Variants in SLC47A2 observed in about 807,000 individuals in gnomAD.
SLC47A2 encodes multidrug and toxin extrusion protein 2.
A neutral mutation model predicts 67.7 loss-of-function variants in SLC47A2; 52 were observed. The observed-to-expected ratio is 0.77, with a 90% CI of 0.61 to 0.97. SLC47A2 has a LOEUF of 0.97. Ranked by LOEUF, SLC47A2 falls within the 50% of genes least tolerant of loss-of-function variation. The pLI is 0.00. For synonymous variants in SLC47A2, 278 were observed against 292.9 expected, an observed-to-expected ratio of 0.95 and a Z score of 0.52; for missense variants, 676 against 712.3, an observed-to-expected ratio of 0.95 and a Z score of 0.58.
chr17:19,694,840 C>G (rs9911284), intron 13 of SLC47A2, among the ~76,000 whole-genome samples: 2 of 150,342 alleles, frequency 1.3e-5, no homozygotes, highest in African/African-American at 4.9e-5. Context: ...CGCTTGAACC[C>G]GGGAGGCAGA....
At chr17:19,681,224 AAC>A in intron 15 of SLC47A2, 141 bp downstream of exon 15, 4 of 681,974 alleles carry the variant, frequency 5.9e-6, no homozygotes, top group Non-Finnish European at 7.4e-6. Context: ...CAAACAAACA[AAC>A]AAAAAAAAAA....
chr17:19,712,850 G>C, intron 4 of SLC47A2, 105 bp from the exon 5 acceptor site: 1 of 1,104,856 alleles, frequency 9.1e-7, no homozygotes, highest in South Asian at 1.3e-5. Context: ...GCTGTCCCAG[G>C]GTCTCAGCCA....
intron 9 of SLC47A2, 140 bp downstream of exon 9, chr17:19,706,508 G>C: frequency 1.5e-6 from 1 of 652,744 alleles, no homozygotes; most frequent in Non-Finnish European, 2.5e-6. Flanking sequence ...GGCCTGGCCA[G>C]TGAAGCTGGA....
At chr17:19,699,977 T>C (rs1435960929) in intron 13 of SLC47A2, among the ~76,000 whole-genome samples, 4 of 152,158 alleles carry the variant, frequency 2.6e-5, no homozygotes, top group Non-Finnish European at 5.9e-5. Flanking sequence ...TGCTGCAGCA[T>C]TGATGAACCT....
At position 19,705,614 on chromosome 17, in the gene SLC47A2, C is replaced by G. The variant is rs1471001871; in HGVS notation, c.842-111G>C. On this transcript the variant is annotated intron_variant, in intron 9 of 16. Coordinates refer to ENST00000433844, the MANE Select transcript of SLC47A2 (RefSeq NM_001099646.3). ...CTCAGGGGCTTTTTTTTTTTTTCTTCCTTGAGACAGGGTCTCACTCTGTCG... is the reference window on the plus strand; with the variant it reads ...CTCAGGGGCTTTTTTTTTTTTTCTTGCTTGAGACAGGGTCTCACTCTGTCG... 7.2e-6 allele frequency: 7 copies of G among 975,938 alleles called. No individual in the cohort carries two copies. The Admixed American group carries it at 2.2e-4, about 31-fold the overall frequency. The allele number at this position is 975,938 out of a possible 1,614,324, so 60.5% of individuals were successfully genotyped here.
At chr17:19,679,808 G>T in intron 16 of SLC47A2, 144 bp downstream of exon 16, 1 of 767,192 alleles carries the variant, frequency 1.3e-6, no homozygotes. Context: ...CTGGTGCTTA[G>T]GACATCATTT....
chr17:19,714,891 G>A (rs1420043946), intron 2 of SLC47A2, 102 bp from the exon 3 acceptor site: 1 of 1,511,882 alleles, frequency 6.6e-7, no homozygotes. Flanking sequence ...TGCCCAGCAG[G>A]CAGCGGTGGC....
Position 19,685,441 on chromosome 17 carries a change from C to T in SLC47A2, c.1165-3771G>A, listed in dbSNP as rs933241109. Among the ~76,000 whole-genome samples, 1 of 151,662 alleles carries T rather than the reference C, an allele frequency of 6.6e-6. No individual in the cohort carries two copies. The highest frequency in any genetic ancestry group is 1.5e-5 in the Non-Finnish European group (1 of 67,868). On this transcript the variant is annotated intron_variant, in intron 13 of 16. Transcript: ENST00000433844. The surrounding 1 kb of genome is among the most constrained non-coding windows in gnomAD (Gnocchi z 4.5). ...CGCCCATCATCTGGGATGTGAGGAG[C>T]CCCTCTGCCTGGCCGCCCCGTCTGG...
At chr17:19,699,193 T>G (rs1367071198) in intron 13 of SLC47A2, among the ~76,000 whole-genome samples, 1 of 149,508 alleles carries the variant, frequency 6.7e-6, no homozygotes, top group Admixed American at 6.7e-5. Context: ...GAAAGCCTAG[T>G]TTTTTTTTTC....
intron 13 of SLC47A2, among the ~76,000 whole-genome samples, chr17:19,687,240 CAAAT>C (rs1180799498): frequency 3.3e-5 from 5 of 152,104 alleles, no homozygotes; most frequent in South Asian, 4.1e-4. Flanking sequence ...TTTCTTGAAA[CAAAT>C]GATAATGGAA....
upstream of SLC47A2, chr17:19,716,904 C>T (rs1019575517): frequency 4.3e-6 from 1 of 230,578 alleles, no homozygotes; most frequent in African/African-American, 2.3e-5. Flanking sequence ...GAGGCCAGGA[C>T]AGGGCAGCCT....
At chr17:19,714,468 C>T (rs2086195006) in intron 3 of SLC47A2, 3 of 576,108 alleles carry the variant, frequency 5.2e-6, no homozygotes, top group Non-Finnish European at 9.3e-6. Flanking sequence ...TGGTGACCTC[C>T]TCTGGGGGCA....
rs1211399593 is a variant in SLC47A2 at position 19,714,734 on chromosome 17, G to A, written c.281C>T (p.Thr94Ile). ...GAGGCCACCCACCTGAGACATCAAG[G>A]TGTCACATGCCGAAGACAAACCAAC... ...VGVGLSSACDTLMSQSFGSPN... is the reference protein window; with the variant it reads ...VGVGLSSACDILMSQSFGSPN... The change falls in exon 3 of 17, where the codon ACC becomes ATC. Residue 94 changes from threonine (T) to isoleucine (I), a missense_variant. Transcript: ENST00000433844. The A allele has an allele frequency of 6.2e-7, 1 of 1,614,110 alleles. No homozygotes were observed. Among genetic ancestry groups the A allele is most frequent in the South Asian group, 1.1e-5 (1 of 91,086 alleles).
intron 13 of SLC47A2, among the ~76,000 whole-genome samples, chr17:19,691,427 A>T (rs755417262): frequency 6.6e-6 from 1 of 152,222 alleles, no homozygotes; most frequent in African/African-American, 2.4e-5. Flanking sequence ...ATAAAAAGGA[A>T]TAGGATCCTG....
In SLC47A2 at chr17:19,705,439, G is replaced by A. The variant is rs370392274; in HGVS notation, c.906C>T (p.Tyr302=). The part of the protein sequence containing the change: ...AVIYEVATVT[Y]MIPLGLSIGV... ...GGCACCCCTGCAGGAGCCTTACCAT[G>A]TAGGTCACAGTGGCCACCTCGTAGA... The change falls in exon 10 of 17, where the codon TAC becomes TAT. Residue 302 remains tyrosine (Y), a synonymous_variant. Coordinates refer to ENST00000433844, the MANE Select transcript of SLC47A2 (RefSeq NM_001099646.3). 4.3e-6 allele frequency: 7 copies of A among 1,611,652 alleles called. 1 individual carries two copies. The highest frequency in any genetic ancestry group is 4.5e-5 in the East Asian group (2 of 44,778).
intron 1 of SLC47A2, 99 bp from the exon 2 acceptor site, chr17:19,715,316 GC>G: frequency 9.7e-7 from 1 of 1,030,750 alleles, no homozygotes; most frequent in Non-Finnish European, 1.4e-6. Flanking sequence ...CCGCACCAGT[GC>G]CCCGAGAGGT....
chr17:19,688,377 C>T (rs1490418333), intron 13 of SLC47A2, among the ~76,000 whole-genome samples: 3 of 136,312 alleles, frequency 2.2e-5, no homozygotes, highest in Middle Eastern at 3.6e-3. Flanking sequence ...CAATAAAAGC[C>T]TTATACAACA....
At chr17:19,683,465 T>A (rs997355981) in intron 13 of SLC47A2, among the ~76,000 whole-genome samples, 1 of 152,236 alleles carries the variant, frequency 6.6e-6, no homozygotes, top group Admixed American at 6.5e-5. Flanking sequence ...TGGGCCTGTT[T>A]GGGAGAAGCC....
chr17:19,696,052 A>G (rs2085655933), intron 13 of SLC47A2, among the ~76,000 whole-genome samples: 1 of 140,888 alleles, frequency 7.1e-6, no homozygotes, highest in African/African-American at 2.5e-5. Context: ...AACTCTCAGT[A>G]CCTGTGAATG....
Sources: gnomAD v4.1 joint callset for allele counts (sites outside exome capture counted in the v4.1 genomes callset) on GRCh38, gnomAD v4.1.1 for gene constraint, Gnocchi (gnomAD v3.1) non-coding constraint, MANE v1.5 for transcripts, NCBI Gene and HGNC (gene_info 2026-07-23, HGNC 2026-07-21) for gene names.